MICU3: variants seen among roughly 807,000 people sequenced by gnomAD.
The protein encoded by MICU3 is mitochondrial calcium uptake 3.
A neutral mutation model predicts 66.5 loss-of-function variants in MICU3; 62 were observed. The ratio of observed to expected loss-of-function variants is 0.93; its 90% CI spans 0.76 to 1.15. The LOEUF (loss-of-function observed/expected upper bound fraction) is 1.15. Ranked by LOEUF, MICU3 falls within the 50% of genes most tolerant of loss-of-function variation. The probability of loss-of-function intolerance (pLI) is 0.00; values close to 1 mark genes in which losing one functional copy is unlikely to be tolerated. For missense variants in MICU3, 779 were observed against 664.4 expected, an observed-to-expected ratio of 1.17 and a Z score of -1.90; for synonymous variants, 308 against 240.7, an observed-to-expected ratio of 1.28 and a Z score of -2.59.
In MICU3 at chr8:17,105,729, G is replaced by T. The variant is rs1801685339; in HGVS notation, c.1257+145G>T. The T allele has an allele frequency of 6.9e-6, 3 of 434,304 alleles. No homozygotes were observed. The South Asian group carries it at 2.3e-4, about 33-fold the overall frequency. 26.9% of individuals were successfully genotyped at this position (434,304 alleles called of 1,614,324 possible). On this transcript the variant is annotated intron_variant, in intron 11 of 14. Transcript: ENST00000318063. ...TTTCATTCTGTGTCCTAAATGCTCT[G>T]GCTACACTTTTAAAAATAAATTAAT... is the stretch of plus-strand genomic sequence containing the variant.
At chr8:17,096,869 T>A (rs1800751186) in intron 8 of MICU3, among the ~76,000 whole-genome samples, 1 of 151,760 alleles carries the variant, frequency 6.6e-6, no homozygotes, top group African/African-American at 2.4e-5. Flanking sequence ...CATTTGGAAA[T>A]AATTAATATA....
chr8:17,027,416 G>C lies in MICU3; in HGVS notation c.137G>C (p.Arg46Pro). The change falls in exon 1 of 15, where the codon CGA (arginine) becomes CCA (proline). Residue 46 changes from arginine (R) to proline (P), a missense_variant. Physicochemically the swap from Arg to Pro is moderately radical, Grantham distance 103 (BLOSUM62 -2). Transcript: ENST00000318063. ...LGLPGRPFSS[R>P]EDEERAVAEA... ...CTTCCTGGCCGGCCCTTCTCCTCCC[G>C]AGAGGATGAGGAGAGGGCTGTGGCG... 1 of 1,395,964 alleles carries C rather than the reference G, an allele frequency of 7.2e-7. No individual in the cohort carries two copies. Among genetic ancestry groups the C allele is most frequent in the Non-Finnish European group, 9.2e-7 (1 of 1,081,526 alleles). 86.5% of individuals were successfully genotyped at this position (1,395,964 alleles called of 1,614,324 possible). A position where few individuals can be genotyped will look rare whatever the true frequency, so the allele number is the denominator to read the frequency against.
intron 1 of MICU3, 98 bp from the exon 2 acceptor site, chr8:17,063,986 A>G (rs1053926406): frequency 2.3e-5 from 19 of 810,506 alleles, no homozygotes; most frequent in African/African-American, 6.9e-5. Flanking sequence ...ACACTTCCTC[A>G]TTTACTCTGT....
intron 11 of MICU3, among the ~76,000 whole-genome samples, chr8:17,106,546 CTTT>C (rs36068857): frequency 0.3 from 41,025 of 136,602 alleles, 5,964 homozygotes; most frequent in Non-Finnish European, 0.36. Context: ...CTTGAATCTG[CTTT>C]TTTTTTTTTT....
intron 3 of MICU3, among the ~76,000 whole-genome samples, chr8:17,074,727 T>C (rs1820123037): frequency 2.6e-5 from 4 of 152,084 alleles, no homozygotes; most frequent in Admixed American, 6.6e-5. Context: ...CTGTACTTAC[T>C]AATTTTTCTA....
chr8:17,027,954 A>G (rs1312598819), intron 1 of MICU3, among the ~76,000 whole-genome samples: 1 of 152,104 alleles, frequency 6.6e-6, no homozygotes, highest in Admixed American at 6.5e-5. Context: ...AGATTCAGAA[A>G]TGAAGGCCAT....
chr8:17,105,523 C>A lies in MICU3; in HGVS notation c.1196C>A (p.Thr399Lys). 6.3e-7 allele frequency: 1 copy of A among 1,576,294 alleles called. No individual in the cohort carries two copies. The highest frequency in any genetic ancestry group is 2.3e-5 in the East Asian group (1 of 43,998). Residue 399 changes from threonine (T) to lysine (K), a missense_variant, in exon 11 of 15, where the codon ACA (threonine) becomes AAA (lysine). Physicochemically the swap from Thr to Lys is moderately conservative, Grantham distance 78. Transcript: ENST00000318063. ...TTTGCTCATATTCTTTTACGATATA[C>A]AAATGTGGAAAATACATCAGTATTT... Reference protein sequence around the residue: ...EDFAHILLRYTNVENTSVFLE... With the variant: ...EDFAHILLRYKNVENTSVFLE...
chr8:17,040,963 T>C (rs1585188475), intron 1 of MICU3, among the ~76,000 whole-genome samples: 2 of 152,214 alleles, frequency 1.3e-5, no homozygotes, highest in South Asian at 4.2e-4. Flanking sequence ...AAAAAACAGG[T>C]TGGGAATAAT....
chr8:17,090,592 C>G lies in MICU3; in HGVS notation c.888+8C>G. On this transcript the variant is annotated splice_region_variant and intron_variant, in intron 8 of 14. Coordinates refer to ENST00000318063, the MANE Select transcript of MICU3 (RefSeq NM_181723.3). ...CATTCTCCTACTAATAGTGTATGTA[C>G]AATACTTTAAATGTTCTTTATGTAT... 1.3e-6 allele frequency: 2 copies of G among 1,599,548 alleles called. No homozygotes were observed. The highest frequency in any genetic ancestry group is 1.7e-6 in the Non-Finnish European group (2 of 1,170,480).
At chr8:17,077,582 T>C (rs538904581) in intron 3 of MICU3, among the ~76,000 whole-genome samples, 2 of 152,308 alleles carry the variant, frequency 1.3e-5, no homozygotes, top group South Asian at 2.1e-4. Flanking sequence ...ATGTAGCCTC[T>C]TCATCATTTA....
At chr8:17,043,971 C>A (rs1814643858) in intron 1 of MICU3, among the ~76,000 whole-genome samples, 1 of 152,098 alleles carries the variant, frequency 6.6e-6, no homozygotes, top group Admixed American at 6.5e-5. Flanking sequence ...TATATGTCAC[C>A]AAATAATTAA....
intron 2 of MICU3, among the ~76,000 whole-genome samples, chr8:17,064,476 C>A (rs1563317879): frequency 6.6e-6 from 1 of 152,096 alleles, no homozygotes; most frequent in Admixed American, 6.6e-5. Context: ...ACTTTTGATA[C>A]TCTTTATAAA....
intron 14 of MICU3, among the ~76,000 whole-genome samples, chr8:17,119,324 A>C (rs1585585056): frequency 6.6e-6 from 1 of 152,242 alleles, no homozygotes; most frequent in East Asian, 1.9e-4. Context: ...TTTATAACCC[A>C]AAAAATGTGT....
At chr8:17,096,075 A>G (rs941766562) in intron 8 of MICU3, among the ~76,000 whole-genome samples, 1 of 151,936 alleles carries the variant, frequency 6.6e-6, no homozygotes, top group Non-Finnish European at 1.5e-5. Flanking sequence ...CACATTTTAC[A>G]TGACATCTGG....
chr8:17,090,593 A>G lies in MICU3; in HGVS notation c.888+9A>G. On this transcript the variant is annotated intron_variant, in intron 8 of 14. Coordinates refer to ENST00000318063, the MANE Select transcript of MICU3 (RefSeq NM_181723.3). ...ATTCTCCTACTAATAGTGTATGTAC[A>G]ATACTTTAAATGTTCTTTATGTATA... 1.3e-6 allele frequency: 2 copies of G among 1,594,390 alleles called. No homozygotes were observed. Among genetic ancestry groups the G allele is most frequent in the African/African-American group, 2.7e-5 (2 of 74,230 alleles).
At chr8:17,094,645 TA>T (rs1404375354) in intron 8 of MICU3, among the ~76,000 whole-genome samples, 4 of 149,930 alleles carry the variant, frequency 2.7e-5, no homozygotes, top group Non-Finnish European at 5.9e-5. Context: ...TGGTTCATTT[TA>T]AAAAAAAAAT....
At chr8:17,036,549 A>G (rs574694335) in intron 1 of MICU3, among the ~76,000 whole-genome samples, 8 of 152,252 alleles carry the variant, frequency 5.3e-5, no homozygotes, top group Admixed American at 3.9e-4. Context: ...AAGGTTCTCC[A>G]CATCCCCATC....
At chr8:17,072,563 A>G (rs1466583490) in intron 3 of MICU3, among the ~76,000 whole-genome samples, 1 of 152,180 alleles carries the variant, frequency 6.6e-6, no homozygotes, top group African/African-American at 2.4e-5. Flanking sequence ...AACAATGTTA[A>G]AAGATGTATG....
chr8:17,052,542 G>A (rs1027924113), intron 1 of MICU3, among the ~76,000 whole-genome samples: 3 of 151,934 alleles, frequency 2.0e-5, no homozygotes, highest in African/African-American at 4.8e-5. Flanking sequence ...GGTAACTATC[G>A]TTGTACAATT....
Sources: gnomAD v4.1 joint callset for allele counts (sites outside exome capture counted in the v4.1 genomes callset) on GRCh38, gnomAD v4.1.1 for gene constraint, MANE v1.5 for transcripts, NCBI Gene and HGNC (gene_info 2026-07-23, HGNC 2026-07-21) for gene names.